The following CLIP1 variants were observed in gnomAD, a reference collection of about 807,000 sequenced individuals.
The protein encoded by CLIP1 is CAP-Gly domain-containing linker protein 1.
Under a neutral mutation model 161.6 loss-of-function variants are expected in CLIP1, and 66 were observed. The ratio of observed to expected loss-of-function variants is 0.41; its 90% CI spans 0.33 to 0.50. The LOEUF (loss-of-function observed/expected upper bound fraction) is 0.50. Among genes scored for constraint, CLIP1 ranks in the 20% least tolerant of loss-of-function variants. The pLI, the probability that CLIP1 is intolerant of heterozygous loss-of-function variation, is 0.27. For missense variants in CLIP1, 1,376 were observed against 1,702.0 expected (o/e 0.81, Z 3.37); for synonymous variants, 598 against 626.2 (o/e 0.96, Z 0.67).
At chr12:122,299,951 T>C (rs1228321606) in intron 20 of CLIP1, among the ~76,000 whole-genome samples, 1 of 150,404 alleles carries the variant, frequency 6.6e-6, no homozygotes, top group Non-Finnish European at 1.5e-5. Flanking sequence ...TCCCCAATTC[T>C]TCCACTTAGA....
In CLIP1 at chr12:122,273,985, G is replaced by A. The variant is rs866326969; in HGVS notation, c.4091+53C>T. 9.2e-5 allele frequency: 143 copies of A among 1,562,202 alleles called. 4 individuals are homozygous for A. In the South Asian group the frequency reaches 1.4e-3, roughly 16 times the overall value. On this transcript the variant is annotated intron_variant, in intron 25 of 25. Transcript: ENST00000620786. Reference sequence around the variant, plus strand: ...GACCCTCAAGTGGTCCGCCCGCCTCGGCCTCCCAAAGTGCTGGGATTATAG... The same window carrying A: ...GACCCTCAAGTGGTCCGCCCGCCTCAGCCTCCCAAAGTGCTGGGATTATAG...
At chr12:122,403,296 T>C (rs1033729164) in intron 1 of CLIP1, among the ~76,000 whole-genome samples, 1 of 152,160 alleles carries the variant, frequency 6.6e-6, no homozygotes, top group Non-Finnish European at 1.5e-5. Context: ...GAAGCTCTGC[T>C]GGCAGCACAA....
chr12:122,313,647 G>A (rs1322794922), intron 19 of CLIP1, among the ~76,000 whole-genome samples: 2 of 152,026 alleles, frequency 1.3e-5, no homozygotes, highest in Admixed American at 1.3e-4. Flanking sequence ...AACCCAGGAG[G>A]TGGAGGTTAC....
chr12:122,285,527 C>T (rs977277751), intron 21 of CLIP1, among the ~76,000 whole-genome samples: 16 of 152,004 alleles, frequency 1.1e-4, no homozygotes, highest in South Asian at 2.1e-4. Context: ...CCACGGTGCC[C>T]GGCCTAATTT....
rs775798009 is a variant in CLIP1, at chr12:122,328,176, G to A, written c.3034-14C>T. 9.3e-6 allele frequency: 15 copies of A among 1,613,470 alleles called. No homozygotes were observed. The highest frequency in any genetic ancestry group is 1.2e-5 in the Non-Finnish European group (14 of 1,179,900). ...CATTTTCTTTTCCTGCAGAGACCCCGAATGAGGGAATGAGTCATCTGCCCA... is the reference window on the plus strand; with the variant it reads ...CATTTTCTTTTCCTGCAGAGACCCCAAATGAGGGAATGAGTCATCTGCCCA... On this transcript the variant is annotated splice_polypyrimidine_tract_variant and intron_variant, in intron 16 of 25. Transcript: ENST00000620786.
intron 1 of CLIP1, among the ~76,000 whole-genome samples, chr12:122,392,077 C>T (rs759354307): frequency 5.3e-5 from 8 of 152,156 alleles, no homozygotes; most frequent in Non-Finnish European, 1.0e-4. Context: ...TTGAGACCAG[C>T]CTGGGCAACA....
chr12:122,276,965 CT>C (rs971461008), intron 24 of CLIP1: 67 of 153,802 alleles, frequency 4.4e-4, no homozygotes, highest in South Asian at 1.3e-3. Flanking sequence ...CCCACCCCAC[CT>C]TTTTTTTTTC....
rs368064312 is a variant in CLIP1, at chr12:122,279,002, C to T, written c.3765+26G>A. The T allele has an allele frequency of 6.2e-7, 1 of 1,607,646 alleles. No homozygotes were observed. On this transcript the variant is annotated intron_variant, in intron 22 of 25. Coordinates refer to ENST00000620786, the MANE Select transcript of CLIP1 (RefSeq NM_001247997.2). This position sits in a 1 kb window ranked among gnomAD's most constrained non-coding sequence, Gnocchi z 4.5. ...TGAACGAAAGGAGGCCGCGTGAAAGCTCGTGCACCCTGGGTGGTACTCTAC... is the reference window on the plus strand; with the variant it reads ...TGAACGAAAGGAGGCCGCGTGAAAGTTCGTGCACCCTGGGTGGTACTCTAC...
chr12:122,319,261 T>C lies in CLIP1; in HGVS notation c.3337A>G (p.Lys1113Glu), dbSNP rs1341632649. The C allele has an allele frequency of 4.3e-6, 7 of 1,613,090 alleles. No individual in the cohort carries two copies. Among genetic ancestry groups the C allele is most frequent in the Non-Finnish European group, 5.9e-6 (7 of 1,179,092 alleles). ...TETLASLEDT[K>E]QTNAKLQNEL... ...TTCTGTAGTTTTGCATTTGTTTGCTTGGTGTCCTCCAAGGAGGCCAGAGTC... is the reference window on the plus strand; with the variant it reads ...TTCTGTAGTTTTGCATTTGTTTGCTCGGTGTCCTCCAAGGAGGCCAGAGTC... Residue 1113 changes from lysine (K) to glutamate (E), a missense_variant, in exon 18 of 26, where the codon AAG becomes GAG. Lys to Glu is a moderately conservative substitution (Grantham distance 56). Coordinates refer to ENST00000620786, the MANE Select transcript of CLIP1 (RefSeq NM_001247997.2).
At chr12:122,384,483 C>A (rs907841275) in intron 1 of CLIP1, among the ~76,000 whole-genome samples, 1 of 152,056 alleles carries the variant, frequency 6.6e-6, no homozygotes, top group Non-Finnish European at 1.5e-5. Context: ...ACTCGAAGGC[C>A]GGGCGCAGTG....
intron 3 of CLIP1, among the ~76,000 whole-genome samples, chr12:122,367,211 G>C (rs1262314774): frequency 6.6e-6 from 1 of 152,014 alleles, no homozygotes; most frequent in African/African-American, 2.4e-5. Context: ...TTTGTAAAAA[G>C]TAATCACAAA....
chr12:122,313,449 G>A (rs772950455), intron 19 of CLIP1, among the ~76,000 whole-genome samples: 4 of 152,208 alleles, frequency 2.6e-5, no homozygotes, highest in Non-Finnish European at 5.9e-5. Flanking sequence ...TCACCTGGCC[G>A]GGCGTGGTGG....
chr12:122,326,402 A>G (rs1007643815), intron 17 of CLIP1, among the ~76,000 whole-genome samples: 1 of 152,204 alleles, frequency 6.6e-6, no homozygotes, highest in Admixed American at 6.6e-5. Context: ...GAGACTGGCC[A>G]GGAACGATGA....
In CLIP1 at chr12:122,273,109, G is replaced by A. The variant is rs771930036; in HGVS notation, c.4092-9C>T. The A allele has an allele frequency of 1.2e-6, 2 of 1,604,812 alleles. No individual in the cohort carries two copies. Among genetic ancestry groups the A allele is most frequent in the African/African-American group, 2.7e-5 (2 of 74,694 alleles). ...GTTTCTCCTGATCATCACTACAAAT[G>A]TTAATGTGTGAAATCAGAAAATTTA... On this transcript the variant is annotated splice_polypyrimidine_tract_variant and intron_variant, in intron 25 of 25. Coordinates refer to ENST00000620786, the MANE Select transcript of CLIP1 (RefSeq NM_001247997.2).
At chr12:122,297,956 T>C (rs894482594) in intron 20 of CLIP1, among the ~76,000 whole-genome samples, 1 of 152,144 alleles carries the variant, frequency 6.6e-6, no homozygotes, top group African/African-American at 2.4e-5. Context: ...GACTGATCCA[T>C]GTGGGATTAC....
At chr12:122,363,701 A>T (rs1953991251) in intron 4 of CLIP1, among the ~76,000 whole-genome samples, 1 of 149,258 alleles carries the variant, frequency 6.7e-6, no homozygotes, top group South Asian at 2.1e-4. Flanking sequence ...ATCAAAAGGG[A>T]GAGAAGCCAG....
intron 11 of CLIP1, 125 bp from the exon 12 acceptor site, chr12:122,336,873 C>A: frequency 2.3e-6 from 1 of 441,114 alleles, no homozygotes; most frequent in Non-Finnish European, 4.0e-6. Flanking sequence ...GAAAGGAATA[C>A]AAATTTGGTG....
intron 5 of CLIP1, among the ~76,000 whole-genome samples, chr12:122,358,051 G>C (rs1484096034): frequency 6.6e-6 from 1 of 152,260 alleles, no homozygotes; most frequent in African/African-American, 2.4e-5. Context: ...TGTCTGTGTA[G>C]AAAGAGGTAG....
At chr12:122,275,758 TG>T (rs1955400910) in intron 24 of CLIP1, 1 of 152,110 alleles carries the variant, frequency 6.6e-6, no homozygotes, top group Non-Finnish European at 1.5e-5. Flanking sequence ...AAAAGTCACA[TG>T]GAAATTTCCT....
Sources: allele counts gnomAD v4.1 joint callset (sites outside exome capture counted in the v4.1 genomes callset), GRCh38; gene constraint gnomAD v4.1.1; non-coding constraint Gnocchi (gnomAD v3.1); transcripts MANE v1.5; gene names NCBI Gene and HGNC (gene_info 2026-07-23, HGNC 2026-07-21).